Variants in B3GALT1 observed in about 807,000 individuals in gnomAD.
B3GALT1 encodes the protein UDP-Gal:betaGlcNAc beta 1,3-galactosyltransferase, polypeptide 1.
In B3GALT1, 10 loss-of-function variants were observed where a neutral mutation model predicts 23.2. The observed-to-expected ratio is 0.43, with a 90% CI of 0.27 to 0.73. The LOEUF is 0.73. Among genes scored for constraint, B3GALT1 ranks in the 30% least tolerant of loss-of-function variants. The pLI is 0.21. For missense variants in B3GALT1, 299 were observed against 405.4 expected, an observed-to-expected ratio of 0.74 and a Z score of 2.25; for synonymous variants, 156 against 141.5, an observed-to-expected ratio of 1.10 and a Z score of -0.73.
chr2:167,535,581 G>T (rs1395701544), intron 2 of B3GALT1, among the ~76,000 whole-genome samples: 1 of 138,132 alleles, frequency 7.2e-6, no homozygotes, highest in African/African-American at 2.7e-5. Context: ...AAGACAAAAA[G>T]AAAAAAAAAA....
In B3GALT1 at chr2:167,807,863, A is replaced by G. The variant is rs1275831735; in HGVS notation, c.-351-10809A>G. On this transcript the variant is annotated intron_variant, in intron 3 of 4. Coordinates refer to ENST00000392690, the MANE Select transcript of B3GALT1 (RefSeq NM_020981.4). ...GTGCAGAGCTGAGTTCAATTCCTGGATATCCTTGTTAACTTTCTGTCTAAT... is the reference window on the plus strand; with the variant it reads ...GTGCAGAGCTGAGTTCAATTCCTGGGTATCCTTGTTAACTTTCTGTCTAAT... Among the ~76,000 whole-genome samples the G allele has an allele frequency of 3.3e-5, 5 of 152,150 alleles. No homozygotes were observed. The East Asian group carries it at 5.8e-4, about 18-fold the overall frequency.
At chr2:167,867,071 CA>C (rs1690236921) in intron 4 of B3GALT1, among the ~76,000 whole-genome samples, 1 of 151,730 alleles carries the variant, frequency 6.6e-6, no homozygotes, top group South Asian at 2.1e-4. Context: ...GGACTACAGG[CA>C]CCCGCCACTA....
At chr2:167,863,850 T>A (rs2105435267) in intron 4 of B3GALT1, among the ~76,000 whole-genome samples, 1 of 152,332 alleles carries the variant, frequency 6.6e-6, no homozygotes, top group East Asian at 1.9e-4. Flanking sequence ...CTCTGTTTTT[T>A]CAACAGAGGA....
At chr2:167,491,296 C>T (rs190588912) in intron 2 of B3GALT1, among the ~76,000 whole-genome samples, 1 of 152,256 alleles carries the variant, frequency 6.6e-6, no homozygotes, top group East Asian at 1.9e-4. Context: ...GGTATTTCTT[C>T]TGTACCTTAT....
chr2:167,632,719 G>C (rs1048597449), intron 2 of B3GALT1, among the ~76,000 whole-genome samples: 2 of 151,796 alleles, frequency 1.3e-5, no homozygotes, highest in African/African-American at 2.4e-5. Flanking sequence ...TGGACAGATT[G>C]CAAAAATTTT....
intron 1 of B3GALT1, among the ~76,000 whole-genome samples, chr2:167,365,431 T>C (rs964924547): frequency 1.7e-4 from 26 of 152,172 alleles, no homozygotes; most frequent in African/African-American, 6.0e-4. Context: ...ATCAGAGAAA[T>C]TGGCTCTAGC....
At chr2:167,811,304 T>C (rs1249535291) in intron 3 of B3GALT1, among the ~76,000 whole-genome samples, 1 of 152,242 alleles carries the variant, frequency 6.6e-6, no homozygotes, top group South Asian at 2.1e-4. Flanking sequence ...ACCATTTCTC[T>C]TTCTACTCAT....
chr2:167,595,924 C>T (rs1684766648), intron 2 of B3GALT1, among the ~76,000 whole-genome samples: 1 of 152,150 alleles, frequency 6.6e-6, no homozygotes, highest in African/African-American at 2.4e-5. Context: ...CAGTTCTTAT[C>T]ACTTTATCTT....
At chr2:167,458,941 C>G (rs143606196) in intron 1 of B3GALT1, among the ~76,000 whole-genome samples, 93 of 152,258 alleles carry the variant, frequency 6.1e-4, no homozygotes, top group African/African-American at 2.1e-3. Flanking sequence ...CCCCTGCTCT[C>G]TTTTGGTTAG....
chr2:167,804,582 G>GT (rs1183496510), intron 3 of B3GALT1, among the ~76,000 whole-genome samples: 1 of 151,958 alleles, frequency 6.6e-6, no homozygotes, highest in Admixed American at 6.6e-5. Context: ...GCGGTGTTTG[G>GT]TTTTTTGTCC....
intron 1 of B3GALT1, among the ~76,000 whole-genome samples, chr2:167,311,571 A>T (rs1305908586): frequency 6.6e-6 from 1 of 152,058 alleles, no homozygotes; most frequent in East Asian, 1.9e-4. Context: ...AAACTATAAT[A>T]TAGCTCTATA....
At chr2:167,640,264 A>G (rs954957740) in intron 2 of B3GALT1, among the ~76,000 whole-genome samples, 2 of 152,092 alleles carry the variant, frequency 1.3e-5, no homozygotes, top group Non-Finnish European at 2.9e-5. Flanking sequence ...CAGAATTGGG[A>G]AAGTGTGAGC....
At chr2:167,385,134 A>T (rs1038967117) in intron 1 of B3GALT1, among the ~76,000 whole-genome samples, 1 of 152,154 alleles carries the variant, frequency 6.6e-6, no homozygotes, top group Non-Finnish European at 1.5e-5. Flanking sequence ...CACCACTGAG[A>T]TCTCAGAACC....
chr2:167,490,585 C>T (rs1290077474), intron 2 of B3GALT1, among the ~76,000 whole-genome samples: 2 of 152,228 alleles, frequency 1.3e-5, no homozygotes, highest in Non-Finnish European at 2.9e-5. Flanking sequence ...CTTGCCATGA[C>T]ACACATGGAA....
At chr2:167,773,485 C>T (rs1022575554) in intron 3 of B3GALT1, among the ~76,000 whole-genome samples, 1 of 152,124 alleles carries the variant, frequency 6.6e-6, no homozygotes, top group Non-Finnish European at 1.5e-5. Context: ...GCAGCAGTCA[C>T]ACGTTAGGTT....
At chr2:167,431,989 T>G (rs762813915) in intron 1 of B3GALT1, among the ~76,000 whole-genome samples, 6 of 152,198 alleles carry the variant, frequency 3.9e-5, no homozygotes, top group African/African-American at 7.2e-5. Context: ...ACAAAGAATT[T>G]ACTCTTAAAT....
intron 3 of B3GALT1, among the ~76,000 whole-genome samples, chr2:167,807,721 T>A (rs145184947): frequency 0.13 from 19,183 of 152,150 alleles, 1,412 homozygotes; most frequent in East Asian, 0.31. Context: ...TGCTGAGGAG[T>A]GCTTTACTTC....
chr2:167,529,397 C>T (rs904838914), intron 2 of B3GALT1, among the ~76,000 whole-genome samples: 2 of 151,566 alleles, frequency 1.3e-5, no homozygotes, highest in Non-Finnish European at 2.9e-5. Context: ...GCAGCCCAAA[C>T]CTCTACACTA....
At chr2:167,543,355 AT>A (rs1402350287) in intron 2 of B3GALT1, among the ~76,000 whole-genome samples, 2 of 152,194 alleles carry the variant, frequency 1.3e-5, no homozygotes, top group Non-Finnish European at 2.9e-5. Flanking sequence ...ACTTTTTGAC[AT>A]TTTTTGAGAG....
Sources: allele counts gnomAD v4.1 joint callset (sites outside exome capture counted in the v4.1 genomes callset), GRCh38; gene constraint gnomAD v4.1.1; transcripts MANE v1.5; gene names NCBI Gene and HGNC (gene_info 2026-07-23, HGNC 2026-07-21).